The following FAM13A variants were observed in gnomAD, a reference collection of about 807,000 sequenced individuals.
The protein encoded by FAM13A is protein FAM13A.
In FAM13A, 76 loss-of-function variants were observed where a neutral mutation model predicts 129.6. The ratio of observed to expected loss-of-function variants is 0.59; its 90% CI spans 0.49 to 0.71. The LOEUF is 0.71. Ranked by LOEUF, FAM13A falls within the 30% of genes least tolerant of loss-of-function variation. FAM13A has a pLI of 0.00. For missense variants in FAM13A, 1,108 were observed against 1,249.3 expected, an observed-to-expected ratio of 0.89 and a Z score of 1.70; for synonymous variants, 443 against 449.9, an observed-to-expected ratio of 0.98 and a Z score of 0.20.
chr4:88,792,301 C>A (rs1725344689), intron 8 of FAM13A, among the ~76,000 whole-genome samples: 1 of 151,984 alleles, frequency 6.6e-6, no homozygotes, highest in Non-Finnish European at 1.5e-5. Flanking sequence ...AGGATTTGAA[C>A]CAAGAAAGGT....
rs377536001 is a variant in FAM13A, at chr4:88,879,081, T to C, written c.843+27298A>G. ...TAAGTTGTGTGCAATCAGACACCTT[T>C]ATATATAAAACACATCTAATATTGG... is the stretch of plus-strand genomic sequence containing the variant. On this transcript the variant is annotated intron_variant, in intron 6 of 23. Transcript: ENST00000264344. Among the ~76,000 whole-genome samples the C allele has an allele frequency of 1.3e-3, 201 of 152,364 alleles. 2 individuals are homozygous for C. The highest frequency in any genetic ancestry group is 4.3e-3 in the African/African-American group (179 of 41,590).
chr4:88,823,128 C>G, intron 7 of FAM13A: 2 of 1,510,534 alleles, frequency 1.3e-6, no homozygotes, highest in Non-Finnish European at 1.8e-6. Context: ...CTGCACCGCA[C>G]GGCTGGAGAA....
intron 11 of FAM13A, among the ~76,000 whole-genome samples, chr4:88,775,511 C>T (rs1721526697): frequency 6.6e-6 from 1 of 152,062 alleles, no homozygotes; most frequent in African/African-American, 2.4e-5. Flanking sequence ...TGAGACCAGC[C>T]TGGCCTCACA....
At chr4:88,846,325 G>A (rs533096257) in intron 7 of FAM13A, among the ~76,000 whole-genome samples, 6 of 152,202 alleles carry the variant, frequency 3.9e-5, no homozygotes, top group Non-Finnish European at 7.4e-5. Context: ...ACATCTCCCC[G>A]AAATACCGAT....
chr4:88,812,339 A>G (rs1406566562), intron 7 of FAM13A, among the ~76,000 whole-genome samples: 1 of 152,136 alleles, frequency 6.6e-6, no homozygotes, highest in African/African-American at 2.4e-5. Flanking sequence ...AGTCTTTCAC[A>G]GGGGCAATAC....
chr4:89,025,704 T>C (rs555329827), intron 2 of FAM13A, among the ~76,000 whole-genome samples: 1 of 152,334 alleles, frequency 6.6e-6, no homozygotes, highest in African/African-American at 2.4e-5. Flanking sequence ...GTAAAGCTCT[T>C]TATGCAATAT....
intron 7 of FAM13A, among the ~76,000 whole-genome samples, chr4:88,840,745 G>A (rs186549757): frequency 6.5e-4 from 98 of 151,612 alleles, no homozygotes; most frequent in Admixed American, 1.5e-3. Context: ...TCTAAATCAT[G>A]CTCATATCTC....
At chr4:88,997,560 A>T (rs1231800442) in intron 3 of FAM13A, among the ~76,000 whole-genome samples, 1 of 111,260 alleles carries the variant, frequency 9.0e-6, no homozygotes, top group African/African-American at 3.2e-5. Flanking sequence ...CTCACTAAAA[A>T]AAAAAAAATT....
chr4:89,044,066 C>G (rs1770507718), intron 1 of FAM13A, among the ~76,000 whole-genome samples: 1 of 108,288 alleles, frequency 9.2e-6, no homozygotes, highest in South Asian at 2.9e-4. Flanking sequence ...CCACTGCACT[C>G]CAGCCTTGGC....
intron 6 of FAM13A, among the ~76,000 whole-genome samples, chr4:88,852,325 G>A (rs1318869206): frequency 6.6e-6 from 1 of 151,884 alleles, no homozygotes; most frequent in Non-Finnish European, 1.5e-5. Flanking sequence ...ACAAGTCAGG[G>A]TAATTTTTGT....
intron 13 of FAM13A, among the ~76,000 whole-genome samples, chr4:88,762,732 C>T (rs1163734712): frequency 1.3e-5 from 2 of 152,064 alleles, no homozygotes; most frequent in Non-Finnish European, 2.9e-5. Context: ...GCTCCATCCT[C>T]TCTAACAGGG....
At chr4:88,890,088 A>G (rs1246985757) in intron 6 of FAM13A, among the ~76,000 whole-genome samples, 1 of 152,192 alleles carries the variant, frequency 6.6e-6, no homozygotes, top group African/African-American at 2.4e-5. Flanking sequence ...GAGGTCAGAA[A>G]ATCAGTCCAG....
At chr4:88,910,125 T>C (rs1168940889) in intron 5 of FAM13A, among the ~76,000 whole-genome samples, 1 of 152,152 alleles carries the variant, frequency 6.6e-6, no homozygotes. Context: ...GAATGGGTGT[T>C]ATTCCAATGC....
chr4:88,740,260 A>G lies in FAM13A; in HGVS notation c.2467-1135T>C, dbSNP rs575608043. Among the ~76,000 whole-genome samples, 3 of 152,156 alleles carry G rather than the reference A, an allele frequency of 2.0e-5. No homozygotes were observed. The South Asian group carries it at 6.2e-4, about 32-fold the overall frequency. On this transcript the variant is annotated intron_variant, in intron 19 of 23. Transcript: ENST00000264344. Reference sequence around the variant, plus strand: ...CCATTCTCTCCTTTGTGAAATCACCACCCTGCCCCGTGCATACCCTGTAAT... The same window carrying G: ...CCATTCTCTCCTTTGTGAAATCACCGCCCTGCCCCGTGCATACCCTGTAAT...
At chr4:88,874,613 A>G (rs2150095050) in intron 6 of FAM13A, among the ~76,000 whole-genome samples, 1 of 152,366 alleles carries the variant, frequency 6.6e-6, no homozygotes, top group East Asian at 1.9e-4. Context: ...AAGGAGAACT[A>G]CAAATCACTG....
intron 3 of FAM13A, among the ~76,000 whole-genome samples, chr4:88,994,137 G>C (rs990400262): frequency 1.3e-5 from 2 of 151,998 alleles, no homozygotes; most frequent in Admixed American, 6.6e-5. Flanking sequence ...CAGATTCATC[G>C]ATTCCTGGAT....
At chr4:89,047,639 C>T (rs1250491193) in intron 1 of FAM13A, among the ~76,000 whole-genome samples, 1 of 152,094 alleles carries the variant, frequency 6.6e-6, no homozygotes, top group Non-Finnish European at 1.5e-5. Context: ...ATTCCCAACC[C>T]CTCCATGCCC....
At chr4:88,874,076 C>A (rs1741933961) in intron 6 of FAM13A, among the ~76,000 whole-genome samples, 1 of 152,126 alleles carries the variant, frequency 6.6e-6, no homozygotes, top group East Asian at 1.9e-4. Context: ...AGGCCTTCGA[C>A]AAAATTCAAC....
intron 1 of FAM13A, among the ~76,000 whole-genome samples, chr4:89,044,259 CA>C: frequency 6.6e-6 from 1 of 152,068 alleles, no homozygotes; most frequent in African/African-American, 2.4e-5. Flanking sequence ...CGAAAATGAA[CA>C]AAGGACGTGT....
Sources: allele counts gnomAD v4.1 joint callset (sites outside exome capture counted in the v4.1 genomes callset), GRCh38; gene constraint gnomAD v4.1.1; transcripts MANE v1.5; gene names NCBI Gene and HGNC (gene_info 2026-07-23, HGNC 2026-07-21).